OPA1: variants seen among roughly 807,000 people sequenced by gnomAD.
OPA1 encodes the protein OPA1 mitochondrial dynamin like GTPase, also known as dynamin-like GTPase OPA1, mitochondrial.
Under a neutral mutation model 152.9 loss-of-function variants are expected in OPA1, and 59 were observed. That is an observed-to-expected ratio of 0.39 (90% CI 0.31 to 0.48). The LOEUF (loss-of-function observed/expected upper bound fraction) is 0.48. OPA1 is among the 20% of genes least tolerant of loss of function. The probability of loss-of-function intolerance (pLI) is 0.96; values close to 1 mark genes in which losing one functional copy is unlikely to be tolerated. For synonymous variants in OPA1, 400 were observed against 389.9 expected (o/e 1.03, Z -0.31); for missense variants, 1,008 against 1,216.8 (o/e 0.83, Z 2.55).
intron 29 of OPA1, chr3:193,668,622 C>A: frequency 6.5e-7 from 1 of 1,530,020 alleles, no homozygotes; most frequent in Non-Finnish European, 8.8e-7. Context: ...CTGCACCAGG[C>A]CACCCTCCTG....
chr3:193,593,489 T>C (rs372866444), intron 1 of OPA1, 80 bp downstream of exon 1: 374 of 1,358,608 alleles, frequency 2.8e-4, no homozygotes, highest in Admixed American at 9.3e-4. Flanking sequence ...TCTCCAAAAA[T>C]GTGCAGGTGA....
chr3:193,655,863 C>A (rs1373686198), intron 22 of OPA1, among the ~76,000 whole-genome samples: 1 of 152,106 alleles, frequency 6.6e-6, no homozygotes, highest in Non-Finnish European at 1.5e-5. Context: ...AAATTGAAGT[C>A]AATGTTAAAA....
intron 6 of OPA1, 90 bp from the exon 7 acceptor site, chr3:193,626,002 C>G (rs747218555): frequency 6.1e-5 from 58 of 956,778 alleles, no homozygotes; most frequent in Non-Finnish European, 8.9e-5. Context: ...CCATCCCTCC[C>G]TAGCTTACAT....
intron 28 of OPA1, among the ~76,000 whole-genome samples, chr3:193,666,604 A>G (rs550458749): frequency 1.3e-5 from 2 of 152,240 alleles, no homozygotes; most frequent in East Asian, 1.9e-4. Flanking sequence ...CCTGGGCAAC[A>G]TTGTGAGACT....
At chr3:193,677,822 A>C (rs944444707) in intron 29 of OPA1, among the ~76,000 whole-genome samples, 1 of 152,236 alleles carries the variant, frequency 6.6e-6, no homozygotes. Flanking sequence ...GCTCTATCTT[A>C]AAAGTAACAG....
chr3:193,659,247 C>T (rs1652233718), intron 24 of OPA1, among the ~76,000 whole-genome samples: 3 of 152,072 alleles, frequency 2.0e-5, no homozygotes, highest in Admixed American at 6.6e-5. Context: ...TTAGTGTGTT[C>T]GCTACTGTAC....
At chr3:193,641,901 G>A (rs1267363929) in intron 11 of OPA1, among the ~76,000 whole-genome samples, 18 of 152,142 alleles carry the variant, frequency 1.2e-4, no homozygotes, top group Admixed American at 1.2e-3. Context: ...GATCACCTGA[G>A]GTCAAGAGTT....
In OPA1 at chr3:193,604,869, A is replaced by AAAAAAG. The variant is rs1553867623; in HGVS notation, c.33-9849_33-9848insGAAAAA. Among the ~76,000 whole-genome samples, 39 of 145,914 alleles carry AAAAAAG rather than the reference A, an allele frequency of 2.7e-4. No individual in the cohort carries two copies. The South Asian group carries it at 4.2e-3, about 16-fold the overall frequency. On this transcript the variant is annotated intron_variant, in intron 1 of 30. Transcript: ENST00000361510. ...GAGTGAAACTCCATCTCAAAAAAAA[A>AAAAAAG]AAAAAAGAAAAAAGAAAAGAAAAAA...
chr3:193,630,674 C>G (rs1731939380), intron 7 of OPA1, among the ~76,000 whole-genome samples: 1 of 152,102 alleles, frequency 6.6e-6, no homozygotes, highest in Non-Finnish European at 1.5e-5. Context: ...TTCATATTTA[C>G]AAGTTTTGAT....
intron 27 of OPA1, among the ~76,000 whole-genome samples, chr3:193,665,810 A>G (rs1234341800): frequency 6.6e-6 from 1 of 152,172 alleles, no homozygotes; most frequent in Non-Finnish European, 1.5e-5. Context: ...TTCTGTAGAA[A>G]GAAGAAACTT....
intron 1 of OPA1, among the ~76,000 whole-genome samples, chr3:193,602,013 A>G (rs766397007): frequency 1.3e-5 from 2 of 152,210 alleles, no homozygotes; most frequent in Admixed American, 6.5e-5. Context: ...TTATGGTCCC[A>G]TGGATTTTCA....
At position 193,659,567 on chromosome 3, in the gene OPA1, A is replaced by T; in HGVS notation, c.2520+6A>T. 6.2e-7 allele frequency: 1 copy of T among 1,605,360 alleles called. No homozygotes were observed. Among genetic ancestry groups the T allele is most frequent in the Non-Finnish European group, 8.5e-7 (1 of 1,173,488 alleles). ...AGAATCGGACCCAAGAACAGGTAGA[A>T]ATAAACAAGTCTCTAGTCTTATGAT... On this transcript the variant is annotated splice_donor_region_variant and intron_variant, in intron 25 of 30. Transcript: ENST00000361510.
chr3:193,682,855 C>T (rs1720366909), intron 29 of OPA1, among the ~76,000 whole-genome samples: 4 of 152,248 alleles, frequency 2.6e-5, no homozygotes, highest in Middle Eastern at 3.4e-3. Context: ...GTTTTTGTGC[C>T]TGCTAGCACA....
intron 1 of OPA1, among the ~76,000 whole-genome samples, chr3:193,612,173 G>T (rs1322546645): frequency 6.6e-6 from 1 of 152,050 alleles, no homozygotes; most frequent in African/African-American, 2.4e-5. Context: ...TCACAATGGG[G>T]CTAAGCTCAG....
intron 5 of OPA1, among the ~76,000 whole-genome samples, chr3:193,618,457 G>A (rs989972767): frequency 6.0e-5 from 9 of 150,876 alleles, no homozygotes; most frequent in Non-Finnish European, 8.9e-5. Context: ...CAGCCTGGGC[G>A]ACAGAGGGAG....
chr3:193,648,190 A>C, intron 20 of OPA1, 56 bp downstream of exon 20: 1 of 1,331,112 alleles, frequency 7.5e-7, no homozygotes, highest in South Asian at 1.2e-5. Context: ...GTTGTTTGCT[A>C]ACTAAATTTA....
intron 1 of OPA1, 68 bp downstream of exon 1, chr3:193,593,477 T>A: frequency 7.1e-7 from 1 of 1,411,566 alleles, no homozygotes; most frequent in South Asian, 1.5e-5. Context: ...GTCTTATCTC[T>A]ATCTCCAAAA....
intron 1 of OPA1, among the ~76,000 whole-genome samples, chr3:193,605,178 G>T (rs771441990): frequency 7.2e-5 from 11 of 152,204 alleles, no homozygotes; most frequent in Non-Finnish European, 1.3e-4. Context: ...TTTATGGAAT[G>T]CTAGAGAAGG....
At chr3:193,682,992 A>AG (rs1720396983) in intron 29 of OPA1, among the ~76,000 whole-genome samples, 1 of 152,136 alleles carries the variant, frequency 6.6e-6, no homozygotes, top group Non-Finnish European at 1.5e-5. Context: ...TAGGAGAAAA[A>AG]AAAAGGAAAA....
Sources: gnomAD v4.1 joint callset for allele counts (sites outside exome capture counted in the v4.1 genomes callset) on GRCh38, gnomAD v4.1.1 for gene constraint, MANE v1.5 for transcripts, NCBI Gene and HGNC (gene_info 2026-07-23, HGNC 2026-07-21) for gene names.